SERPINB5: variants seen among roughly 807,000 people sequenced by gnomAD.
SERPINB5 encodes the protein serpin family B member 5, also known as serpin B5.
SERPINB5 carries 27 observed loss-of-function variants against 32.2 expected under a neutral mutation model. That is an observed-to-expected ratio of 0.84 (90% confidence interval 0.62 to 1.16). SERPINB5 has a LOEUF of 1.16. SERPINB5 is among the 50% of genes most tolerant of loss of function. The pLI, the probability that SERPINB5 is intolerant of heterozygous loss-of-function variation, is 0.00. For missense variants in SERPINB5, 388 were observed against 436.3 expected (o/e 0.89, Z 0.99); for synonymous variants, 154 against 157.4 (o/e 0.98, Z 0.16).
chr18:63,499,746 T>G (rs1390339336), intron 6 of SERPINB5, among the ~76,000 whole-genome samples: 1 of 152,158 alleles, frequency 6.6e-6, no homozygotes, highest in Admixed American at 6.5e-5. Context: ...GGCACTACGT[T>G]GCTACGCACT....
intron 4 of SERPINB5, among the ~76,000 whole-genome samples, chr18:63,490,182 ACT>A (rs1314224848): frequency 1.3e-5 from 2 of 151,748 alleles, no homozygotes; most frequent in Admixed American, 6.6e-5. Flanking sequence ...ACAGAGTGAG[ACT>A]CTGTCTTAAA....
chr18:63,502,523 AT>A (rs1161637205), intron 6 of SERPINB5, among the ~76,000 whole-genome samples: 270 of 148,410 alleles, frequency 1.8e-3, no homozygotes, highest in African/African-American at 6.2e-3. Context: ...TCAAATTCCC[AT>A]TAAAAAAAAA....
intron 5 of SERPINB5, chr18:63,497,262 C>T: frequency 1.0e-6 from 1 of 993,984 alleles, no homozygotes. Flanking sequence ...TAGCGTTTGG[C>T]AGCTTGATCA....
chr18:63,479,420 G>T (rs371556678), intron 1 of SERPINB5, among the ~76,000 whole-genome samples: 14 of 152,266 alleles, frequency 9.2e-5, no homozygotes, highest in East Asian at 5.8e-4. Context: ...AGTGAGCACG[G>T]CCCTACCCCC....
intron 4 of SERPINB5, among the ~76,000 whole-genome samples, chr18:63,492,349 T>C (rs1165215896): frequency 6.6e-6 from 1 of 152,236 alleles, no homozygotes. Flanking sequence ...GTTTTCCAGC[T>C]GAGGAAACTA....
At chr18:63,494,203 T>G (rs1261805177) in intron 5 of SERPINB5, among the ~76,000 whole-genome samples, 1 of 150,622 alleles carries the variant, frequency 6.6e-6, no homozygotes, top group East Asian at 2.0e-4. Context: ...GTGCCTGTAA[T>G]CCCAGCTGCT....
chr18:63,497,301 G>A lies in SERPINB5; in HGVS notation c.568-1819G>A. ...GTTATTCCAGGAACCCATCTCTCAA[G>A]CAGCAGCTCTTCTCCTATGCGATTC... On this transcript the variant is annotated intron_variant, in intron 5 of 6. Coordinates refer to ENST00000382771, the MANE Select transcript of SERPINB5 (RefSeq NM_002639.5). 2.4e-6 allele frequency: 3 copies of A among 1,267,820 alleles called. No individual in the cohort carries two copies. The South Asian group carries it at 3.5e-5, about 15-fold the overall frequency. The allele number at this position is 1,267,820 out of a possible 1,614,324, so 78.5% of individuals were successfully genotyped here. A position where few individuals can be genotyped will look rare whatever the true frequency, so the allele number is the denominator to read the frequency against.
intron 1 of SERPINB5, among the ~76,000 whole-genome samples, chr18:63,477,871 T>C (rs890696032): frequency 1.3e-5 from 2 of 152,122 alleles, no homozygotes; most frequent in Non-Finnish European, 2.9e-5. Flanking sequence ...ATTCTGTAGA[T>C]GAGGAGCAGA....
intron 6 of SERPINB5, among the ~76,000 whole-genome samples, chr18:63,501,019 T>G (rs1021725720): frequency 1.2e-4 from 19 of 152,226 alleles, no homozygotes; most frequent in African/African-American, 4.3e-4. Context: ...TTCTTCTTCT[T>G]CTTTTTTTAT....
Position 63,497,499 on chromosome 18 carries a change from G to GGAAAA in SERPINB5, c.568-1621_568-1620insGAAAA, listed in dbSNP as rs74169971. On this transcript the variant is annotated intron_variant, in intron 5 of 6. Coordinates refer to ENST00000382771, the MANE Select transcript of SERPINB5 (RefSeq NM_002639.5). ...CTTTACCATTGAACACAACGTTTCT[G>GGAAAA]AAAAAAAAAAAAAAAGAGCCAAGCA... 168 of 223,644 alleles carry GGAAAA rather than the reference G, an allele frequency of 7.5e-4. 1 individual carries two copies. The highest frequency in any genetic ancestry group is 1.8e-3 in the South Asian group (21 of 11,660). The allele number at this position is 223,644 out of a possible 1,614,324, so 13.9% of individuals were successfully genotyped here.
chr18:63,492,811 C>G, intron 4 of SERPINB5, 142 bp from the exon 5 acceptor site: 1 of 1,023,594 alleles, frequency 9.8e-7, no homozygotes, highest in Non-Finnish European at 1.4e-6. Flanking sequence ...AGGAGTCCTT[C>G]TGAAATTTGA....
At chr18:63,490,092 T>C (rs925812001) in intron 4 of SERPINB5, among the ~76,000 whole-genome samples, 1 of 152,034 alleles carries the variant, frequency 6.6e-6, no homozygotes, top group Admixed American at 6.5e-5. Context: ...CTCGGGAGGC[T>C]GAGACAGGAG....
chr18:63,503,246 A>G lies in SERPINB5; in HGVS notation c.736-84A>G, dbSNP rs567467515. 31 of 1,445,650 alleles carry G rather than the reference A, an allele frequency of 2.1e-5. 1 individual carries two copies. In the South Asian group the frequency reaches 3.4e-4, roughly 16 times the overall value. 89.6% of individuals were successfully genotyped at this position (1,445,650 alleles called of 1,614,324 possible). On this transcript the variant is annotated intron_variant, in intron 6 of 6. Coordinates refer to ENST00000382771, the MANE Select transcript of SERPINB5 (RefSeq NM_002639.5). The stretch of plus-strand genomic sequence containing the variant: ...AGACTGCTTTGAAGCTGGGCTTATC[A>G]TAACACCTTATGTTTTCAATTGAGC...
intron 5 of SERPINB5, among the ~76,000 whole-genome samples, chr18:63,495,597 A>G (rs149902491): frequency 2.3e-4 from 35 of 152,356 alleles, no homozygotes; most frequent in African/African-American, 7.9e-4. Flanking sequence ...AATGAGTAGA[A>G]TGTGGACTTT....
intron 5 of SERPINB5, among the ~76,000 whole-genome samples, chr18:63,496,021 T>C (rs1909438891): frequency 6.6e-6 from 1 of 152,222 alleles, no homozygotes. Context: ...AAGTTTAGTA[T>C]AGTACTTATT....
At chr18:63,480,994 C>T (rs1917118257) in intron 1 of SERPINB5, among the ~76,000 whole-genome samples, 1 of 152,178 alleles carries the variant, frequency 6.6e-6, no homozygotes, top group Non-Finnish European at 1.5e-5. Context: ...CGTTCATGCA[C>T]TGAGGATTAG....
chr18:63,502,228 T>C (rs4941204), intron 6 of SERPINB5, among the ~76,000 whole-genome samples: 60,358 of 151,232 alleles, frequency 0.4, 12,948 homozygotes, highest in Non-Finnish European at 0.49. Context: ...CTCCGCCTCC[T>C]GGGTTCATGC....
At chr18:63,497,297 T>G (rs1411335784) in intron 5 of SERPINB5, 4 of 1,262,004 alleles carry the variant, frequency 3.2e-6, no homozygotes, top group Non-Finnish European at 2.3e-6. Context: ...AACCCATCTC[T>G]CAAGCAGCAG....
intron 5 of SERPINB5, chr18:63,497,498 T>TTAAA: frequency 6.0e-5 from 11 of 183,562 alleles, no homozygotes; most frequent in East Asian, 1.6e-4. Context: ...ACAACGTTTC[T>TTAAA]GAAAAAAAAA....
Sources: gnomAD v4.1 joint callset for allele counts (sites outside exome capture counted in the v4.1 genomes callset) on GRCh38, gnomAD v4.1.1 for gene constraint, MANE v1.5 for transcripts, NCBI Gene and HGNC (gene_info 2026-07-23, HGNC 2026-07-21) for gene names.